Variants in AGBL4 observed in about 807,000 individuals in gnomAD.
AGBL4 encodes the protein AGBL carboxypeptidase 4, also known as cytosolic carboxypeptidase 6.
In AGBL4, 58 loss-of-function variants were observed where a neutral mutation model predicts 66.4. The ratio of observed to expected loss-of-function variants is 0.87; its 90% CI spans 0.71 to 1.09. AGBL4 has a LOEUF of 1.09. Ranked by LOEUF, AGBL4 falls within the 50% of genes least tolerant of loss-of-function variation. The pLI, the probability that AGBL4 is intolerant of heterozygous loss-of-function variation, is 0.00. For missense variants in AGBL4, 579 were observed against 631.0 expected, an observed-to-expected ratio of 0.92 and a Z score of 0.88; for synonymous variants, 234 against 222.9, an observed-to-expected ratio of 1.05 and a Z score of -0.44.
intron 3 of AGBL4, among the ~76,000 whole-genome samples, chr1:49,530,389 C>A (rs1458806431): frequency 6.6e-6 from 1 of 151,500 alleles, no homozygotes; most frequent in Non-Finnish European, 1.5e-5. Context: ...GTGCTGCACC[C>A]ATTAACTCTT....
intron 6 of AGBL4, among the ~76,000 whole-genome samples, chr1:48,831,526 T>A (rs140338409): frequency 3.9e-5 from 6 of 152,364 alleles, no homozygotes; most frequent in Middle Eastern, 3.4e-3. Flanking sequence ...ATACTTTTTA[T>A]GCACCTCTGC....
chr1:49,226,546 G>C (rs1425940384), intron 4 of AGBL4, among the ~76,000 whole-genome samples: 2 of 152,088 alleles, frequency 1.3e-5, no homozygotes, highest in African/African-American at 4.8e-5. Context: ...ACTGCAGCTG[G>C]ATTCTTTTAC....
In AGBL4 at chr1:49,767,900, G is replaced by A. The variant is rs187257943; in HGVS notation, c.158-70463C>T. Among the ~76,000 whole-genome samples, 177 of 151,094 alleles carry A rather than the reference G, an allele frequency of 1.2e-3. 1 individual carries two copies. The highest frequency in any genetic ancestry group is 4.2e-3 in the African/African-American group (171 of 41,114). ...ACACAATCTCCAAAGACTGAATCACGAAGAAATTGAAACCCTGAAAAGACA... is the reference window on the plus strand; with the variant it reads ...ACACAATCTCCAAAGACTGAATCACAAAGAAATTGAAACCCTGAAAAGACA... On this transcript the variant is annotated intron_variant, in intron 2 of 13. Coordinates refer to ENST00000371839, the MANE Select transcript of AGBL4 (RefSeq NM_032785.4).
intron 5 of AGBL4, among the ~76,000 whole-genome samples, chr1:48,922,537 C>T (rs1316360806): frequency 6.6e-6 from 1 of 152,186 alleles, no homozygotes; most frequent in Non-Finnish European, 1.5e-5. Flanking sequence ...CATTCACTCT[C>T]TCATTGCCTT....
At chr1:49,062,068 A>G (rs1043701777) in intron 4 of AGBL4, among the ~76,000 whole-genome samples, 1 of 152,136 alleles carries the variant, frequency 6.6e-6, no homozygotes, top group African/African-American at 2.4e-5. Context: ...CTTTGCATGC[A>G]AGGGATCTAG....
intron 5 of AGBL4, among the ~76,000 whole-genome samples, chr1:48,947,464 A>G (rs185606716): frequency 1.3e-5 from 2 of 152,314 alleles, no homozygotes; most frequent in East Asian, 1.9e-4. Flanking sequence ...CTTTGGTTAC[A>G]CTTTCAGGCT....
chr1:49,638,706 C>A (rs532593704), intron 3 of AGBL4, among the ~76,000 whole-genome samples: 138 of 152,276 alleles, frequency 9.1e-4, no homozygotes, highest in Middle Eastern at 3.4e-3. Flanking sequence ...GTAAGACATG[C>A]CTTTGCTCCT....
intron 3 of AGBL4, among the ~76,000 whole-genome samples, chr1:49,357,820 CA>C (rs1644051259): frequency 6.6e-6 from 1 of 152,154 alleles, no homozygotes; most frequent in Non-Finnish European, 1.5e-5. Flanking sequence ...CTTACCTGTG[CA>C]AACGCCTATC....
intron 4 of AGBL4, among the ~76,000 whole-genome samples, chr1:49,192,240 CAT>C: frequency 6.6e-6 from 1 of 152,140 alleles, no homozygotes; most frequent in South Asian, 2.1e-4. Context: ...AATTTGCTTA[CAT>C]GTTTTATATA....
intron 4 of AGBL4, among the ~76,000 whole-genome samples, chr1:49,180,340 TA>T (rs1646909159): frequency 6.6e-6 from 1 of 152,176 alleles, no homozygotes; most frequent in Non-Finnish European, 1.5e-5. Flanking sequence ...TAATACTAAA[TA>T]AATATTAGGT....
chr1:48,653,249 C>T, intron 8 of AGBL4, 88 bp downstream of exon 8: 1 of 1,058,428 alleles, frequency 9.4e-7, no homozygotes, highest in Non-Finnish European at 1.4e-6. Context: ...CAAAATTCTT[C>T]CTCAAAAAAT....
chr1:48,771,055 T>C (rs1199247403), intron 6 of AGBL4, among the ~76,000 whole-genome samples: 1 of 152,242 alleles, frequency 6.6e-6, no homozygotes, highest in Non-Finnish European at 1.5e-5. Context: ...GCACTGAACC[T>C]GGAACCAGGT....
intron 2 of AGBL4, among the ~76,000 whole-genome samples, chr1:49,786,362 A>G (rs1644454996): frequency 6.6e-6 from 1 of 152,136 alleles, no homozygotes; most frequent in Non-Finnish European, 1.5e-5. Context: ...AGAAATATTT[A>G]TTATCCCACA....
At chr1:48,571,555 A>T (rs1342052834) in intron 11 of AGBL4, among the ~76,000 whole-genome samples, 2 of 152,234 alleles carry the variant, frequency 1.3e-5, no homozygotes, top group African/African-American at 2.4e-5. Flanking sequence ...CATCTGCTGA[A>T]GGAATGCTCT....
intron 3 of AGBL4, among the ~76,000 whole-genome samples, chr1:49,631,739 T>C (rs1239706340): frequency 6.6e-6 from 1 of 152,160 alleles, no homozygotes; most frequent in East Asian, 1.9e-4. Context: ...CAAAGCACCA[T>C]ATCTGAAAAT....
intron 5 of AGBL4, among the ~76,000 whole-genome samples, chr1:48,886,571 G>A (rs1021912901): frequency 2.0e-5 from 3 of 151,968 alleles, no homozygotes; most frequent in Admixed American, 2.0e-4. Context: ...TTATTTTTTT[G>A]AGGTGGAGTC....
chr1:49,356,624 C>T (rs1329018666), intron 3 of AGBL4, among the ~76,000 whole-genome samples: 3 of 152,140 alleles, frequency 2.0e-5, no homozygotes, highest in East Asian at 3.8e-4. Flanking sequence ...AATGTAAACT[C>T]AGAGCAAAGT....
intron 9 of AGBL4, among the ~76,000 whole-genome samples, chr1:48,610,113 T>C (rs528191826): frequency 1.3e-5 from 2 of 152,344 alleles, no homozygotes; most frequent in South Asian, 4.1e-4. Flanking sequence ...TTAGAGATAA[T>C]GTAAAAACAA....
intron 4 of AGBL4, among the ~76,000 whole-genome samples, chr1:49,120,113 TG>T (rs1476143482): frequency 2.6e-5 from 4 of 152,214 alleles, no homozygotes; most frequent in Non-Finnish European, 4.4e-5. Context: ...AGCACACCGA[TG>T]GGTCTTGACT....
Sources: gnomAD v4.1 joint callset for allele counts (sites outside exome capture counted in the v4.1 genomes callset) on GRCh38, gnomAD v4.1.1 for gene constraint, MANE v1.5 for transcripts, NCBI Gene and HGNC (gene_info 2026-07-23, HGNC 2026-07-21) for gene names.